PLXDC2: variants seen among roughly 807,000 people sequenced by gnomAD.
The protein encoded by PLXDC2 is plexin domain-containing protein 2.
A neutral mutation model predicts 68.9 loss-of-function variants in PLXDC2; 40 were observed. The observed-to-expected ratio is 0.58, with a 90% CI of 0.45 to 0.76. PLXDC2 has a LOEUF of 0.76. PLXDC2 is among the 30% of genes least tolerant of loss of function. The probability of loss-of-function intolerance (pLI) is 0.00; values close to 1 mark genes in which losing one functional copy is unlikely to be tolerated. For missense variants in PLXDC2, 644 were observed against 661.9 expected (o/e 0.97, Z 0.30); for synonymous variants, 243 against 234.2 (o/e 1.04, Z -0.34).
chr10:20,092,909 A>G (rs977991440), intron 4 of PLXDC2, among the ~76,000 whole-genome samples: 11 of 152,130 alleles, frequency 7.2e-5, no homozygotes, highest in Non-Finnish European at 1.2e-4. Context: ...GAAGAGATAA[A>G]GAACACATTC....
At chr10:20,002,137 TAAC>T in intron 2 of PLXDC2, 151 bp downstream of exon 2, 1 of 788,696 alleles carries the variant, frequency 1.3e-6, no homozygotes, top group Non-Finnish European at 2.0e-6. Context: ...ATAAATATAA[TAAC>T]TAAGCCACTT....
intron 6 of PLXDC2, among the ~76,000 whole-genome samples, 170 bp from the exon 7 acceptor site, chr10:20,164,298 A>G (rs531528832): frequency 1.3e-5 from 2 of 152,150 alleles, no homozygotes; most frequent in East Asian, 3.9e-4. Flanking sequence ...CACTAAACTG[A>G]TGTTATTTTT....
intron 2 of PLXDC2, among the ~76,000 whole-genome samples, chr10:20,023,077 A>AAT (rs1035393717): frequency 1.0e-4 from 15 of 148,146 alleles, no homozygotes; most frequent in Non-Finnish European, 1.8e-4. Flanking sequence ...ATGGCATTTA[A>AAT]ATATATATAT....
chr10:19,958,968 C>T (rs1387548252), intron 1 of PLXDC2, among the ~76,000 whole-genome samples: 1 of 152,150 alleles, frequency 6.6e-6, no homozygotes, highest in Non-Finnish European at 1.5e-5. Context: ...ACTAACAGAT[C>T]ATTAACCAGG....
chr10:19,854,823 G>T (rs2131329514), intron 1 of PLXDC2, among the ~76,000 whole-genome samples: 1 of 152,272 alleles, frequency 6.6e-6, no homozygotes, highest in African/African-American at 2.4e-5. Context: ...AGTCCTGATA[G>T]TTTATGGAGT....
intron 10 of PLXDC2, among the ~76,000 whole-genome samples, chr10:20,215,711 G>A (rs1228612405): frequency 2.6e-5 from 4 of 152,044 alleles, no homozygotes; most frequent in Non-Finnish European, 5.9e-5. Flanking sequence ...ATAAGGAAAG[G>A]TCCCCATCCA....
At chr10:20,257,453 A>G (rs1468628560) in intron 13 of PLXDC2, among the ~76,000 whole-genome samples, 1 of 151,706 alleles carries the variant, frequency 6.6e-6, no homozygotes, top group Non-Finnish European at 1.5e-5. Flanking sequence ...AACGGCAAAA[A>G]TAAGACACAA....
Position 20,001,975 on chromosome 10 carries a change from A to C in PLXDC2, c.313A>C (p.Thr105Pro). The C allele has an allele frequency of 6.2e-7, 1 of 1,611,790 alleles. No individual in the cohort carries two copies. Among genetic ancestry groups the C allele is most frequent in the Non-Finnish European group, 8.5e-7 (1 of 1,179,718 alleles). Residue 105 changes from threonine (T) to proline (P), a missense_variant, in exon 2 of 14, where the codon ACT becomes CCT. Physicochemically the swap from Thr to Pro is conservative, Grantham distance 38. This residue lies in a region of PLXDC2 where 201 missense variants were observed against 166.9 expected (regional missense o/e 1.20). Coordinates refer to ENST00000377252, the MANE Select transcript of PLXDC2 (RefSeq NM_032812.9). ...GCTGGATGATGGGCAGGACAATAAC[A>C]CTCAGATCGAGGTAGATAAATAGTC... is the stretch of plus-strand genomic sequence containing the variant. ...LLLDDGQDNN[T>P]QIEEDTDHNY...
At chr10:19,992,006 C>T (rs1834759429) in intron 1 of PLXDC2, among the ~76,000 whole-genome samples, 1 of 152,124 alleles carries the variant, frequency 6.6e-6, no homozygotes, top group South Asian at 2.1e-4. Flanking sequence ...ATATAGGAAA[C>T]AAGAGCAGTT....
At chr10:19,963,068 C>G (rs1834188494) in intron 1 of PLXDC2, among the ~76,000 whole-genome samples, 1 of 151,682 alleles carries the variant, frequency 6.6e-6, no homozygotes, top group Non-Finnish European at 1.5e-5. Flanking sequence ...GCCCTCCCTT[C>G]CCTATCTATG....
At chr10:19,979,797 G>A (rs751753766) in intron 1 of PLXDC2, among the ~76,000 whole-genome samples, 2 of 152,164 alleles carry the variant, frequency 1.3e-5, no homozygotes, top group Non-Finnish European at 1.5e-5. Context: ...ATGACTAAAC[G>A]TGGTAATGTG....
chr10:20,184,088 A>T (rs1038974728), intron 9 of PLXDC2, among the ~76,000 whole-genome samples: 5 of 151,924 alleles, frequency 3.3e-5, no homozygotes, highest in African/African-American at 1.2e-4. Context: ...GAATAGTAGT[A>T]TCACATAATT....
intron 7 of PLXDC2, among the ~76,000 whole-genome samples, chr10:20,173,564 C>T (rs1286924690): frequency 2.0e-5 from 3 of 152,178 alleles, no homozygotes. Flanking sequence ...TTGCACTTTG[C>T]AACACATCGC....
At chr10:20,171,059 G>T (rs944549186) in intron 7 of PLXDC2, among the ~76,000 whole-genome samples, 1 of 152,008 alleles carries the variant, frequency 6.6e-6, no homozygotes, top group South Asian at 2.1e-4. Flanking sequence ...AAAACAATTT[G>T]CAATTTTGAT....
At chr10:20,116,491 A>AT (rs375626460) in intron 4 of PLXDC2, among the ~76,000 whole-genome samples, 7,337 of 149,090 alleles carry the variant, frequency 0.049, 250 homozygotes, top group African/African-American at 0.095. Context: ...TTAATAAGCC[A>AT]TTTTTTTTTT....
At chr10:19,867,521 G>T (rs1837443983) in intron 1 of PLXDC2, among the ~76,000 whole-genome samples, 1 of 152,158 alleles carries the variant, frequency 6.6e-6, no homozygotes, top group African/African-American at 2.4e-5. Flanking sequence ...TTACTTGGGG[G>T]CTATTTTTTA....
chr10:20,246,962 G>A (rs1835605426), intron 13 of PLXDC2, among the ~76,000 whole-genome samples: 1 of 152,118 alleles, frequency 6.6e-6, no homozygotes, highest in Non-Finnish European at 1.5e-5. Flanking sequence ...GCTCACAACT[G>A]TCTGTAGAAG....
intron 1 of PLXDC2, among the ~76,000 whole-genome samples, chr10:19,860,612 C>T (rs924356640): frequency 1.3e-5 from 2 of 152,138 alleles, no homozygotes; most frequent in African/African-American, 4.8e-5. Context: ...TCTAAACTTC[C>T]ATGAGAATAG....
rs191949898 is a variant in PLXDC2 at position 20,147,800 on chromosome 10, C to G, written c.681C>G (p.Val227=). 1.9e-6 allele frequency: 3 copies of G among 1,609,954 alleles called. No individual in the cohort carries two copies. The African/African-American group carries it at 4.0e-5, about 22-fold the overall frequency. The change falls in exon 6 of 14, where the codon GTC becomes GTG. Residue 227 remains valine, a synonymous_variant. Coordinates refer to ENST00000377252, the MANE Select transcript of PLXDC2 (RefSeq NM_032812.9). ...RYFDNGTALV[V]QWDHVHLQDN... is the part of the protein sequence containing the mutation. The stretch of plus-strand genomic sequence containing the variant: ...GGTGTATAGGCACAGCACTTGTGGT[C>G]CAGTGGGACCATGTACATCTCCAGG...
Sources: gnomAD v4.1 joint callset for allele counts (sites outside exome capture counted in the v4.1 genomes callset) on GRCh38, gnomAD v4.1.1 for gene constraint, gnomAD v4.1.1 regional missense constraint, MANE v1.5 for transcripts, NCBI Gene and HGNC (gene_info 2026-07-23, HGNC 2026-07-21) for gene names.